PALLD: variants seen among roughly 807,000 people sequenced by gnomAD.
PALLD encodes palladin, cytoskeletal associated protein.
A neutral mutation model predicts 123.5 loss-of-function variants in PALLD; 61 were observed. That is an observed-to-expected ratio of 0.49 (90% CI 0.40 to 0.61). PALLD has a LOEUF of 0.61. PALLD is among the 20% of genes least tolerant of loss of function. The pLI is 0.00. For synonymous variants in PALLD, 465 were observed against 496.4 expected (o/e 0.94, Z 0.84); for missense variants, 1,273 against 1,377.0 (o/e 0.92, Z 1.20).
At chr4:168,509,577 C>CAGGACAAAGGAAT (rs1430106276) in intron 1 of PALLD, among the ~76,000 whole-genome samples, 2 of 152,064 alleles carry the variant, frequency 1.3e-5, no homozygotes, top group Non-Finnish European at 2.9e-5. Context: ...GCAGCACAGA[C>CAGGACAAAGGAAT]TGGACAAAGG....
At chr4:168,586,908 TA>T (rs1770879305) in intron 2 of PALLD, among the ~76,000 whole-genome samples, 1 of 152,116 alleles carries the variant, frequency 6.6e-6, no homozygotes, top group African/African-American at 2.4e-5. Context: ...GAGACATAGC[TA>T]GGGGTACCAT....
chr4:168,915,223 A>G (rs567451688), intron 16 of PALLD, among the ~76,000 whole-genome samples: 1 of 152,298 alleles, frequency 6.6e-6, no homozygotes, highest in South Asian at 2.1e-4. Context: ...CTTATCTTCT[A>G]GTCACTACTG....
chr4:168,569,606 T>C (rs1314443448), intron 2 of PALLD, among the ~76,000 whole-genome samples: 1 of 152,160 alleles, frequency 6.6e-6, no homozygotes, highest in African/African-American at 2.4e-5. Context: ...GTAACGGTGA[T>C]GATTTTTATT....
intron 8 of PALLD, among the ~76,000 whole-genome samples, chr4:168,698,079 G>A (rs920313335): frequency 2.8e-4 from 43 of 152,156 alleles, no homozygotes; most frequent in Admixed American, 2.0e-4. Context: ...AACATGGATG[G>A]AACTGGAGCT....
Position 168,927,730 on chromosome 4 carries a change from CAT to C in PALLD, c.*1553_*1554del, listed in dbSNP as rs775430593. 16 of 222,504 alleles carry C rather than the reference CAT, an allele frequency of 7.2e-5. No individual in the cohort carries two copies. The highest frequency in any genetic ancestry group is 1.4e-4 in the Non-Finnish European group (15 of 111,032). 13.8% of individuals were successfully genotyped at this position (222,504 alleles called of 1,614,324 possible). A position where few individuals can be genotyped will look rare whatever the true frequency, so the allele number is the denominator to read the frequency against. ...CTCGGTAAAGACTGCTTTTTGAATG[CAT>C]ATGATTTTGCATCAGCTAGACTGAG... is the stretch of plus-strand genomic sequence containing the variant. On this transcript the variant is annotated 3_prime_UTR_variant, in exon 22 of 22. Coordinates refer to ENST00000505667, the MANE Select transcript of PALLD (RefSeq NM_001166108.2).
intron 1 of PALLD, 46 bp from the exon 2 acceptor site, chr4:168,511,376 TG>T (rs1306966046): frequency 2.9e-6 from 2 of 690,260 alleles, no homozygotes; most frequent in African/African-American, 1.8e-5. Context: ...ATGATTAAAA[TG>T]GGGAAAAAAT....
rs150903247 is a variant in PALLD at position 168,515,246 on chromosome 4, T to C, written c.908+2834T>C. On this transcript the variant is annotated intron_variant, in intron 2 of 21. Transcript: ENST00000505667. ...AGAACATTGAGCTCTTTTGACCACA[T>C]GAGACATATGACAGTCATAAGAGAA... 5.5e-3 allele frequency among the ~76,000 whole-genome samples: 835 copies of C among 152,306 alleles called. 4 individuals carry two copies. The highest frequency in any genetic ancestry group is 0.019 in the African/African-American group (790 of 41,558).
intron 2 of PALLD, among the ~76,000 whole-genome samples, chr4:168,580,838 G>C (rs901349851): frequency 2.0e-5 from 3 of 152,010 alleles, no homozygotes. Context: ...GATGGTGCTA[G>C]AGGCCATTAT....
chr4:168,600,032 T>TACATGTGTGTACACACATATAC (rs1554048300), intron 2 of PALLD, among the ~76,000 whole-genome samples: 3 of 123,672 alleles, frequency 2.4e-5, no homozygotes, highest in African/African-American at 9.3e-5. Flanking sequence ...TACACACACA[T>TACATGTGTGTACACACATATAC]ACATACATGT....
At chr4:168,737,817 A>T (rs1787913314) in intron 10 of PALLD, among the ~76,000 whole-genome samples, 1 of 152,238 alleles carries the variant, frequency 6.6e-6, no homozygotes, top group Non-Finnish European at 1.5e-5. Flanking sequence ...CAAAGGGCGT[A>T]GCTTAGTAGT....
intron 10 of PALLD, among the ~76,000 whole-genome samples, chr4:168,800,405 A>C (rs1739156128): frequency 6.6e-6 from 1 of 152,210 alleles, no homozygotes. Context: ...AACTCGTACA[A>C]ATCAATTTTT....
chr4:168,737,764 T>G (rs1787905665), intron 10 of PALLD, among the ~76,000 whole-genome samples: 1 of 152,184 alleles, frequency 6.6e-6, no homozygotes, highest in African/African-American at 2.4e-5. Flanking sequence ...CAAGGTCAAG[T>G]AAGAAAGAGA....
intron 10 of PALLD, among the ~76,000 whole-genome samples, chr4:168,825,236 T>G (rs530533908): frequency 1.1e-3 from 161 of 152,332 alleles, no homozygotes; most frequent in Non-Finnish European, 1.9e-3. Context: ...TAAAGAAAGT[T>G]TAATTGGAAT....
chr4:168,754,031 GA>G (rs1359117897), intron 10 of PALLD, among the ~76,000 whole-genome samples: 4 of 152,156 alleles, frequency 2.6e-5, no homozygotes, highest in Non-Finnish European at 1.5e-5. Flanking sequence ...TACTTTAAAA[GA>G]AAAGTCAGAA....
intron 1 of PALLD, among the ~76,000 whole-genome samples, chr4:168,502,712 C>T (rs903160105): frequency 1.3e-5 from 2 of 151,878 alleles, no homozygotes; most frequent in Non-Finnish European, 2.9e-5. Context: ...CTGGCATAGG[C>T]GAAAAAGGGA....
intron 10 of PALLD, among the ~76,000 whole-genome samples, chr4:168,747,913 C>G (rs150998453): frequency 2.4e-3 from 362 of 152,260 alleles, no homozygotes; most frequent in African/African-American, 7.6e-3. Context: ...AGGGTCTTTA[C>G]TCCCAAGTCA....
Position 168,622,135 on chromosome 4 carries a change from A to G in PALLD, c.909-46055A>G, listed in dbSNP as rs111271857. 8.0e-3 allele frequency among the ~76,000 whole-genome samples: 1,223 copies of G among 152,262 alleles called. 11 individuals are homozygous for G. Among genetic ancestry groups the G allele is most frequent in the African/African-American group, 0.027 (1,125 of 41,540 alleles). On this transcript the variant is annotated intron_variant, in intron 2 of 21. Transcript: ENST00000505667. ...TCAAATACTCCCTCTCCCCTATTCC[A>G]TAGGCTCTGGGTCAAAACACACATA...
Position 168,711,364 on chromosome 4 carries a change from A to C in PALLD, c.1622-217A>C, listed in dbSNP as rs370194220. Among the ~76,000 whole-genome samples, 10 of 152,342 alleles carry C rather than the reference A, an allele frequency of 6.6e-5. No homozygotes were observed. The East Asian group carries it at 1.7e-3, about 26-fold the overall frequency. ...AGCTGGGTTCCCCAAATGTGAGCTC[A>C]GTCAGGAAATGAAACGGTAGCACTC... On this transcript the variant is annotated intron_variant, in intron 9 of 21. Coordinates refer to ENST00000505667, the MANE Select transcript of PALLD (RefSeq NM_001166108.2).
intron 10 of PALLD, among the ~76,000 whole-genome samples, chr4:168,758,395 C>G (rs545850187): frequency 6.6e-6 from 1 of 152,280 alleles, no homozygotes; most frequent in African/African-American, 2.4e-5. Flanking sequence ...TCCTGTCTTC[C>G]TTTCAGTGAC....
Sources: gnomAD v4.1 joint callset for allele counts (sites outside exome capture counted in the v4.1 genomes callset) on GRCh38, gnomAD v4.1.1 for gene constraint, MANE v1.5 for transcripts, NCBI Gene and HGNC (gene_info 2026-07-23, HGNC 2026-07-21) for gene names.